The following ATP8A2 variants were observed in gnomAD, a reference collection of about 807,000 sequenced individuals.
ATP8A2 encodes the protein ATPase phospholipid transporting 8A2.
A neutral mutation model predicts 165.6 loss-of-function variants in ATP8A2; 100 were observed. The observed-to-expected ratio is 0.60, with a 90% CI of 0.51 to 0.71. ATP8A2 has a LOEUF of 0.71. Among genes scored for constraint, ATP8A2 ranks in the 30% least tolerant of loss-of-function variants. The pLI, the probability that ATP8A2 is intolerant of heterozygous loss-of-function variation, is 0.00. For missense variants in ATP8A2, 1,227 were observed against 1,479.5 expected, an observed-to-expected ratio of 0.83 and a Z score of 2.80; for synonymous variants, 543 against 548.8, an observed-to-expected ratio of 0.99 and a Z score of 0.15.
chr13:25,490,733 T>G (rs750045852), intron 2 of ATP8A2, among the ~76,000 whole-genome samples: 3,534 of 136,098 alleles, frequency 0.026, 54 homozygotes, highest in South Asian at 0.043. Flanking sequence ...TTTGTTTTTT[T>G]TTTGTTTGTT....
At chr13:25,705,952 T>G (rs1566064768) in intron 25 of ATP8A2, among the ~76,000 whole-genome samples, 1 of 152,244 alleles carries the variant, frequency 6.6e-6, no homozygotes, top group Non-Finnish European at 1.5e-5. Context: ...TGATGGATAG[T>G]CAGGTTAACA....
intron 33 of ATP8A2, among the ~76,000 whole-genome samples, chr13:25,942,442 G>T (rs1161924929): frequency 1.3e-5 from 2 of 151,478 alleles, no homozygotes; most frequent in African/African-American, 4.8e-5. Flanking sequence ...TTTTTTTTGA[G>T]ATGAAGTCTC....
At chr13:25,420,161 A>C (rs1202150343) in intron 1 of ATP8A2, among the ~76,000 whole-genome samples, 1 of 152,212 alleles carries the variant, frequency 6.6e-6, no homozygotes, top group Non-Finnish European at 1.5e-5. Flanking sequence ...AAAGATAGGG[A>C]GAGGGCCCAA....
chr13:25,819,241 T>C (rs943695417), intron 27 of ATP8A2, among the ~76,000 whole-genome samples: 1 of 152,186 alleles, frequency 6.6e-6, no homozygotes, highest in Non-Finnish European at 1.5e-5. Context: ...GTATGTGATG[T>C]TTGCTGCTGG....
At chr13:25,779,722 G>A (rs760469337) in intron 27 of ATP8A2, among the ~76,000 whole-genome samples, 6 of 152,222 alleles carry the variant, frequency 3.9e-5, no homozygotes, top group Non-Finnish European at 7.3e-5. Flanking sequence ...ATGCCATTAT[G>A]TAACTATCTC....
At chr13:25,907,258 G>A (rs896614111) in intron 33 of ATP8A2, among the ~76,000 whole-genome samples, 4 of 152,052 alleles carry the variant, frequency 2.6e-5, no homozygotes, top group Non-Finnish European at 4.4e-5. Context: ...TGGAGATCAC[G>A]CCACTGCACT....
chr13:25,501,010 A>C (rs1344302672), intron 2 of ATP8A2, among the ~76,000 whole-genome samples: 2 of 152,164 alleles, frequency 1.3e-5, no homozygotes, highest in African/African-American at 4.8e-5. Context: ...TTGAATGCCT[A>C]TCTTCTTCAA....
At chr13:25,909,768 C>T (rs966624075) in intron 33 of ATP8A2, among the ~76,000 whole-genome samples, 6 of 152,132 alleles carry the variant, frequency 3.9e-5, no homozygotes, top group East Asian at 1.9e-4. Flanking sequence ...AAACAGATCC[C>T]GTTACACAGT....
chr13:25,657,153 A>T (rs2137667361), intron 24 of ATP8A2, among the ~76,000 whole-genome samples: 1 of 151,814 alleles, frequency 6.6e-6, no homozygotes, highest in South Asian at 2.1e-4. Flanking sequence ...TAGACTTAAG[A>T]CCTAACACAC....
At chr13:25,375,949 C>T (rs2032609711) in intron 1 of ATP8A2, among the ~76,000 whole-genome samples, 1 of 152,140 alleles carries the variant, frequency 6.6e-6, no homozygotes, top group South Asian at 2.1e-4. Flanking sequence ...CTCTGCTGGT[C>T]ATCAAAGGTA....
chr13:25,990,137 C>T (rs1043481116), intron 35 of ATP8A2, among the ~76,000 whole-genome samples: 5 of 152,138 alleles, frequency 3.3e-5, no homozygotes, highest in African/African-American at 9.6e-5. Flanking sequence ...TTTGTCTTTG[C>T]GTTTATACGT....
At chr13:25,602,960 T>C (rs1446274651) in intron 24 of ATP8A2, among the ~76,000 whole-genome samples, 1 of 152,014 alleles carries the variant, frequency 6.6e-6, no homozygotes, top group Non-Finnish European at 1.5e-5. Flanking sequence ...TAGTCCCAAC[T>C]ACTTGGGAGG....
chr13:25,770,180 C>G (rs1444900066), intron 26 of ATP8A2, among the ~76,000 whole-genome samples: 1 of 152,178 alleles, frequency 6.6e-6, no homozygotes, highest in Non-Finnish European at 1.5e-5. Context: ...TTTCCCAAAG[C>G]AGACCTCCTT....
chr13:25,773,890 G>T (rs112652812), intron 26 of ATP8A2, among the ~76,000 whole-genome samples: 4,190 of 152,126 alleles, frequency 0.028, 183 homozygotes, highest in African/African-American at 0.096. Context: ...GTGTACATCC[G>T]TGTGTGTCTA....
chr13:25,732,277 A>G (rs2043667687), intron 25 of ATP8A2, among the ~76,000 whole-genome samples: 1 of 152,198 alleles, frequency 6.6e-6, no homozygotes, highest in South Asian at 2.1e-4. Flanking sequence ...CATGTTGGGA[A>G]AGAATCTGTA....
chr13:26,001,932 A>C (rs1013213206), intron 35 of ATP8A2, among the ~76,000 whole-genome samples: 1 of 152,228 alleles, frequency 6.6e-6, no homozygotes, highest in African/African-American at 2.4e-5. Flanking sequence ...GCCAAAGCCA[A>C]GGTCATAAAG....
At chr13:25,580,316 G>A (rs1408082421) in intron 22 of ATP8A2, among the ~76,000 whole-genome samples, 4 of 152,144 alleles carry the variant, frequency 2.6e-5, no homozygotes, top group Non-Finnish European at 5.9e-5. Context: ...AAGCTTTCTC[G>A]CACTAACTTA....
At chr13:25,556,259 C>T (rs9581391) in intron 13 of ATP8A2, among the ~76,000 whole-genome samples, 9,677 of 152,266 alleles carry the variant, frequency 0.064, 400 homozygotes, top group South Asian at 0.13. Context: ...CTTTTCTGTG[C>T]AGCATTGCCA....
intron 24 of ATP8A2, among the ~76,000 whole-genome samples, chr13:25,686,301 G>A (rs758814564): frequency 2.4e-4 from 37 of 152,164 alleles, no homozygotes; most frequent in Non-Finnish European, 4.6e-4. Flanking sequence ...GGGCCTGAGG[G>A]GCAGGAACAT....
Sources: allele counts gnomAD v4.1 joint callset (sites outside exome capture counted in the v4.1 genomes callset), GRCh38; gene constraint gnomAD v4.1.1; transcripts MANE v1.5; gene names NCBI Gene and HGNC (gene_info 2026-07-23, HGNC 2026-07-21).